DIS3L: variants seen among roughly 807,000 people sequenced by gnomAD.
DIS3L encodes DIS3 like exosome 3'-5' exoribonuclease.
In DIS3L, 100 loss-of-function variants were observed where a neutral mutation model predicts 120.3. The ratio of observed to expected loss-of-function variants is 0.83; its 90% CI spans 0.71 to 0.98. The LOEUF (loss-of-function observed/expected upper bound fraction) is 0.98. Ranked by LOEUF, DIS3L falls within the 50% of genes least tolerant of loss-of-function variation. The pLI is 0.00. For missense variants in DIS3L, 1,196 were observed against 1,314.2 expected (o/e 0.91, Z 1.39); for synonymous variants, 426 against 470.6 (o/e 0.91, Z 1.23).
At chr15:66,293,534 C>A (rs149917229), upstream of DIS3L, 5,222 of 1,336,714 alleles carry the variant, frequency 3.9e-3, 177 homozygotes, top group African/African-American at 0.07. Flanking sequence ...AGGGGCGGGT[C>A]CGAGGCCGCG....
At chr15:66,308,462 T>C (rs886799611) in intron 3 of DIS3L, among the ~76,000 whole-genome samples, 6 of 152,126 alleles carry the variant, frequency 3.9e-5, no homozygotes, top group East Asian at 1.9e-4. Flanking sequence ...TATCAAGAAA[T>C]GAAAGTGGTT....
Position 66,325,921 on chromosome 15 carries a change from C to G in DIS3L, c.1758C>G (p.Tyr586Ter). 1 of 1,614,136 alleles carries G rather than the reference C, an allele frequency of 6.2e-7. No individual in the cohort carries two copies. The highest frequency in any genetic ancestry group is 8.5e-7 in the Non-Finnish European group (1 of 1,180,034). ...GCAGAACCATTATTCGATCAGCATACAAACTGTTCTATGAAGCAGCCCAAG... is the reference window on the plus strand; with the variant it reads ...GCAGAACCATTATTCGATCAGCATAGAAACTGTTCTATGAAGCAGCCCAAG... Reference protein sequence around the residue: ...WYGRTIIRSAYKLFYEAAQEL... With the variant: ...WYGRTIIRSA Residue 586 changes from tyrosine to a stop codon, truncating the protein, a stop_gained, in exon 12 of 17, where the codon TAC (tyrosine) becomes TAG (stop). Coordinates refer to ENST00000319212, the MANE Select transcript of DIS3L (RefSeq NM_001143688.3). LOFTEE classifies it high-confidence loss of function.
rs1255574962 is a variant in DIS3L at position 66,293,606 on chromosome 15, A to C, written c.10A>C (p.Lys4Gln). The C allele has an allele frequency of 1.4e-6, 2 of 1,442,104 alleles. No individual in the cohort carries two copies. Among genetic ancestry groups the C allele is most frequent in the African/African-American group, 3.0e-5 (2 of 67,254 alleles). The allele number at this position is 1,442,104 out of a possible 1,614,324, so 89.3% of individuals were successfully genotyped here. ...CGGGAGACACGCCGCCATGCTGCAG[A>C]AGCGGGAGAAGGTGCTGCTGCTGAG... MLQ[K>Q]REKVLLLRTF... The change falls in exon 1 of 17, where the codon AAG becomes CAG. Residue 4 changes from lysine to glutamine, a missense_variant. Coordinates refer to ENST00000319212, the MANE Select transcript of DIS3L (RefSeq NM_001143688.3).
intron 2 of DIS3L, among the ~76,000 whole-genome samples, chr15:66,302,831 C>T (rs1267447409): frequency 6.6e-6 from 1 of 152,184 alleles, no homozygotes; most frequent in Non-Finnish European, 1.5e-5. Context: ...GTAAAATGTA[C>T]ATACATAAAG....
intron 14 of DIS3L, chr15:66,330,645 G>T (rs980477336): frequency 1.3e-5 from 7 of 553,110 alleles, no homozygotes; most frequent in Non-Finnish European, 1.6e-5. Flanking sequence ...TGGCCACATT[G>T]TATAGCTCAG....
At chr15:66,317,717 C>T (rs887685154) in intron 7 of DIS3L, among the ~76,000 whole-genome samples, 8 of 151,764 alleles carry the variant, frequency 5.3e-5, no homozygotes, top group African/African-American at 1.9e-4. Flanking sequence ...TGGCACGTGC[C>T]TATAGACCCA....
intron 7 of DIS3L, 125 bp from the exon 8 acceptor site, chr15:66,318,324 G>A: frequency 1.9e-6 from 2 of 1,040,618 alleles, no homozygotes; most frequent in East Asian, 2.6e-5. Flanking sequence ...TGAGTTGGGT[G>A]GATGTGCTTG....
At chr15:66,304,016 G>C (rs1197749823) in intron 2 of DIS3L, among the ~76,000 whole-genome samples, 1 of 150,370 alleles carries the variant, frequency 6.7e-6, no homozygotes, top group African/African-American at 2.5e-5. Flanking sequence ...CGTGAACCCG[G>C]GAGGTGGAGC....
At chr15:66,331,650 A>G (rs1169655690) in intron 14 of DIS3L, 1 of 386,262 alleles carries the variant, frequency 2.6e-6, no homozygotes, top group East Asian at 4.9e-5. Context: ...AATTTCATGA[A>G]CTATAAATGG....
rs374440206 is a variant in DIS3L at position 66,333,250 on chromosome 15, A to G, written c.3103A>G (p.Thr1035Ala). Residue 1035 changes from threonine to alanine, a missense_variant, in exon 17 of 17, where the codon ACA becomes GCA. Transcript: ENST00000319212. ...YRQTKGRSLY[T>A]LLEEIRDLAL... ...CCAAACAAAGGGAAGGAGCCTATACACACTTCTAGAGGAGATACGGGACCT... is the reference window on the plus strand; with the variant it reads ...CCAAACAAAGGGAAGGAGCCTATACGCACTTCTAGAGGAGATACGGGACCT... The G allele has an allele frequency of 6.2e-7, 1 of 1,614,090 alleles. No homozygotes were observed. The highest frequency in any genetic ancestry group is 1.3e-5 in the African/African-American group (1 of 75,004).
At chr15:66,309,432 G>A (rs1380285402) in intron 4 of DIS3L, among the ~76,000 whole-genome samples, 1 of 151,884 alleles carries the variant, frequency 6.6e-6, no homozygotes, top group Non-Finnish European at 1.5e-5. Flanking sequence ...GATGATAATA[G>A]GTTGAATAAA....
rs74019581 is a variant in DIS3L, at chr15:66,317,143, C to T, written c.995-1306C>T. On this transcript the variant is annotated intron_variant, in intron 7 of 16. Transcript: ENST00000319212. ...CTGACCCTCTGTCACTCTTGATCAC[C>T]TTACCCTACCTTGTGTCTTTCTTAG... Among the ~76,000 whole-genome samples the T allele has an allele frequency of 5.1e-3, 769 of 152,182 alleles. 7 individuals are homozygous for T. The highest frequency in any genetic ancestry group is 0.018 in the African/African-American group (737 of 41,542).
chr15:66,312,608 T>G (rs933058830), intron 5 of DIS3L, among the ~76,000 whole-genome samples: 1 of 152,222 alleles, frequency 6.6e-6, no homozygotes, highest in African/African-American at 2.4e-5. Flanking sequence ...GGCCTCTTTG[T>G]GATCCTCCCA....
rs991349008 is a variant in DIS3L at position 66,320,464 on chromosome 15, A to G, written c.1165-107A>G. The G allele has an allele frequency of 2.9e-4, 361 of 1,257,044 alleles. 1 individual carries two copies. The highest frequency in any genetic ancestry group is 3.7e-4 in the Non-Finnish European group (342 of 934,004). 77.9% of individuals were successfully genotyped at this position (1,257,044 alleles called of 1,614,324 possible). A position where few individuals can be genotyped will look rare whatever the true frequency, so the allele number is the denominator to read the frequency against. ...CATACACCACTATTTGCACCTGGCC[A>G]CTCTCCTTGGAACCCAGTATTGTTT... is the stretch of plus-strand genomic sequence containing the variant. On this transcript the variant is annotated intron_variant, in intron 8 of 16. Coordinates refer to ENST00000319212, the MANE Select transcript of DIS3L (RefSeq NM_001143688.3).
chr15:66,304,258 C>G (rs537847670), intron 2 of DIS3L, among the ~76,000 whole-genome samples: 2 of 151,844 alleles, frequency 1.3e-5, no homozygotes, highest in South Asian at 4.2e-4. Context: ...TGAGATCAGC[C>G]TGGGCAACAT....
At chr15:66,326,395 G>T in intron 12 of DIS3L, 31 bp downstream of exon 12, 1 of 1,598,226 alleles carries the variant, frequency 6.3e-7, no homozygotes. Context: ...CAGAGGAATG[G>T]AGTGGCATGC....
At chr15:66,327,474 C>T (rs1041681605) in intron 12 of DIS3L, among the ~76,000 whole-genome samples, 2 of 152,042 alleles carry the variant, frequency 1.3e-5, no homozygotes, top group Non-Finnish European at 1.5e-5. Flanking sequence ...CAAGTATAGG[C>T]AGGCTGGGCA....
intron 2 of DIS3L, among the ~76,000 whole-genome samples, chr15:66,300,362 A>T (rs1406385622): frequency 6.6e-6 from 1 of 152,188 alleles, no homozygotes; most frequent in East Asian, 1.9e-4. Flanking sequence ...TAGCAACAGA[A>T]AGTAGATTAG....
chr15:66,328,782 CTT>C (rs1269325790), intron 12 of DIS3L, among the ~76,000 whole-genome samples, 186 bp from the exon 13 acceptor site: 1 of 152,138 alleles, frequency 6.6e-6, no homozygotes, highest in Non-Finnish European at 1.5e-5. Flanking sequence ...TTCTGACACT[CTT>C]GTTTTGTTTA....
Sources: gnomAD v4.1 joint callset for allele counts (sites outside exome capture counted in the v4.1 genomes callset) on GRCh38, gnomAD v4.1.1 for gene constraint, MANE v1.5 for transcripts, NCBI Gene and HGNC (gene_info 2026-07-23, HGNC 2026-07-21) for gene names.